AGTPBP1: variants seen among roughly 807,000 people sequenced by gnomAD.
AGTPBP1 encodes cytosolic carboxypeptidase 1.
A neutral mutation model predicts 143.9 loss-of-function variants in AGTPBP1; 70 were observed. The ratio of observed to expected loss-of-function variants is 0.49; its 90% CI spans 0.40 to 0.59. The LOEUF (loss-of-function observed/expected upper bound fraction) is 0.59. AGTPBP1 is among the 20% of genes least tolerant of loss of function. The pLI, the probability that AGTPBP1 is intolerant of heterozygous loss-of-function variation, is 0.00. For missense variants in AGTPBP1, 1,229 were observed against 1,464.5 expected, an observed-to-expected ratio of 0.84 and a Z score of 2.62; for synonymous variants, 463 against 500.2, an observed-to-expected ratio of 0.93 and a Z score of 0.99.
the AGTPBP1 span, among the ~76,000 whole-genome samples, chr9:85,767,348 A>ATTTT: frequency 1.9e-5 from 2 of 105,126 alleles, no homozygotes; most frequent in Non-Finnish European, 4.1e-5. Context: ...TGCCCAGCTA[A>ATTTT]TTTTTTTTTT....
intron 9 of AGTPBP1, 125 bp downstream of exon 9, chr9:85,660,811 G>T: frequency 1.4e-6 from 1 of 692,398 alleles, no homozygotes; most frequent in South Asian, 2.4e-5. Context: ...AATCAATTTT[G>T]ACATTAGAAT....
intron 1 of AGTPBP1, among the ~76,000 whole-genome samples, chr9:85,718,301 CCTATTTCT>C (rs1837853556): frequency 6.6e-6 from 1 of 152,150 alleles, no homozygotes; most frequent in Non-Finnish European, 1.5e-5. Context: ...TGTAAGTGTT[CCTATTTCT>C]CCACATCCTC....
At chr9:85,701,484 T>C (rs1019626510) in intron 2 of AGTPBP1, among the ~76,000 whole-genome samples, 2 of 148,706 alleles carry the variant, frequency 1.3e-5, no homozygotes, top group Non-Finnish European at 3.0e-5. Flanking sequence ...CCCGCCTCAG[T>C]CTCCCAAAGT....
intron 2 of AGTPBP1, among the ~76,000 whole-genome samples, chr9:85,698,386 TATTTTC>T (rs978525810): frequency 2.0e-5 from 3 of 152,206 alleles, no homozygotes; most frequent in African/African-American, 7.2e-5. Context: ...AATCTATTTT[TATTTTC>T]ATCTACAGAA....
chr9:85,723,004 C>G (rs955923541), intron 1 of AGTPBP1, among the ~76,000 whole-genome samples: 3 of 152,196 alleles, frequency 2.0e-5, no homozygotes, highest in East Asian at 1.9e-4. Context: ...CCAGCAGAGG[C>G]TGCAGAACAG....
At chr9:85,748,697 C>T in the AGTPBP1 span, among the ~76,000 whole-genome samples, 1 of 152,186 alleles carries the variant, frequency 6.6e-6, no homozygotes, top group South Asian at 2.1e-4. Flanking sequence ...ACCACTAAAG[C>T]CTTCAGAGTA....
intron 7 of AGTPBP1, among the ~76,000 whole-genome samples, chr9:85,671,937 C>T (rs1273021361): frequency 2.0e-5 from 3 of 152,154 alleles, no homozygotes; most frequent in Non-Finnish European, 2.9e-5. Flanking sequence ...TAAAGAGGCA[C>T]AGGAGTTTTT....
intron 9 of AGTPBP1, among the ~76,000 whole-genome samples, chr9:85,660,427 G>A (rs959695455): frequency 2.6e-5 from 4 of 152,088 alleles, no homozygotes; most frequent in African/African-American, 9.7e-5. Context: ...CTTCAATTCT[G>A]ATAAGGAAAA....
intron 1 of AGTPBP1, among the ~76,000 whole-genome samples, chr9:85,722,414 T>G (rs146216937): frequency 6.6e-6 from 1 of 152,354 alleles, no homozygotes; most frequent in African/African-American, 2.4e-5. Context: ...CTTTATTTCA[T>G]TAATTTGATC....
intron 13 of AGTPBP1, among the ~76,000 whole-genome samples, chr9:85,634,810 T>C (rs1831929619): frequency 6.6e-6 from 1 of 152,194 alleles, no homozygotes; most frequent in Admixed American, 6.5e-5. Flanking sequence ...AATCAGATAT[T>C]ATAATCAATT....
chr9:85,649,467 T>C (rs557800482), intron 11 of AGTPBP1, among the ~76,000 whole-genome samples: 10 of 152,324 alleles, frequency 6.6e-5, no homozygotes, highest in Admixed American at 5.9e-4. Context: ...GTAAGCCACT[T>C]TTTTACAATT....
intron 1 of AGTPBP1, among the ~76,000 whole-genome samples, chr9:85,720,916 G>A (rs760035175): frequency 6.6e-5 from 10 of 152,136 alleles, no homozygotes; most frequent in Non-Finnish European, 1.0e-4. Context: ...CCTTCATTCC[G>A]TTATGTACCC....
Position 85,741,904 on chromosome 9 carries a change from G to T in AGTPBP1, c.-163C>A. The stretch of plus-strand genomic sequence containing the variant: ...ACAAACCCCGGTGGCAGGCGAGGCG[G>T]AGGCGGCGGCGGCGGCAGCTGCGGC... On this transcript the variant is annotated 5_prime_UTR_variant, in exon 1 of 26. Transcript: ENST00000357081. 7.4e-7 allele frequency: 1 copy of T among 1,342,946 alleles called. No individual in the cohort carries two copies. The highest frequency in any genetic ancestry group is 9.5e-7 in the Non-Finnish European group (1 of 1,051,194). The allele number at this position is 1,342,946 out of a possible 1,614,324, so 83.2% of individuals were successfully genotyped here. A position where few individuals can be genotyped will look rare whatever the true frequency, so the allele number is the denominator to read the frequency against.
In AGTPBP1 at chr9:85,741,935, C is replaced by T. The variant is rs574081926; in HGVS notation, c.-194G>A. The stretch of plus-strand genomic sequence containing the variant: ...GCGGCGGCGGCAGCTGCGGCGGCGG[C>T]GCTGGAGGCGGCGGAACCTGTCCGC... On this transcript the variant is annotated 5_prime_UTR_variant, in exon 1 of 26. Transcript: ENST00000357081. The T allele has an allele frequency of 1.1e-5, 14 of 1,308,856 alleles. No individual in the cohort carries two copies. The African/African-American group carries it at 1.7e-4, about 16-fold the overall frequency. The allele number at this position is 1,308,856 out of a possible 1,614,324, so 81.1% of individuals were successfully genotyped here.
intron 25 of AGTPBP1, among the ~76,000 whole-genome samples, chr9:85,565,242 T>G (rs941186405): frequency 6.6e-6 from 1 of 152,224 alleles, no homozygotes; most frequent in African/African-American, 2.4e-5. Flanking sequence ...TTATTTGATA[T>G]ACATTGCCTA....
At chr9:85,626,824 C>A (rs1274050365) in intron 14 of AGTPBP1, among the ~76,000 whole-genome samples, 2 of 152,104 alleles carry the variant, frequency 1.3e-5, no homozygotes, top group East Asian at 3.9e-4. Flanking sequence ...TTTGTGGACA[C>A]GAATATGAAT....
At chr9:85,582,604 A>G (rs972008700) in intron 23 of AGTPBP1, among the ~76,000 whole-genome samples, 3 of 151,900 alleles carry the variant, frequency 2.0e-5, no homozygotes, top group African/African-American at 7.3e-5. Flanking sequence ...CATTTGAACC[A>G]GGGAGACGGA....
chr9:85,594,041 T>A (rs1044997462), intron 18 of AGTPBP1, among the ~76,000 whole-genome samples: 3 of 152,160 alleles, frequency 2.0e-5, no homozygotes, highest in Non-Finnish European at 2.9e-5. Flanking sequence ...AGATACCCAA[T>A]GACAGAGTGC....
intron 25 of AGTPBP1, among the ~76,000 whole-genome samples, chr9:85,550,630 C>T (rs1265523985): frequency 6.6e-6 from 1 of 152,124 alleles, no homozygotes; most frequent in East Asian, 1.9e-4. Context: ...ATGGAACTTC[C>T]GTACATGCAT....
Sources: gnomAD v4.1 joint callset for allele counts (sites outside exome capture counted in the v4.1 genomes callset) on GRCh38, gnomAD v4.1.1 for gene constraint, MANE v1.5 for transcripts, NCBI Gene and HGNC (gene_info 2026-07-23, HGNC 2026-07-21) for gene names.